ATP6V1C1: variants seen among roughly 807,000 people sequenced by gnomAD.
ATP6V1C1 encodes V-type proton ATPase subunit C 1.
ATP6V1C1 carries 45 observed loss-of-function variants against 53.9 expected under a neutral mutation model. That is an observed-to-expected ratio of 0.83 (90% confidence interval 0.66 to 1.07). The LOEUF (loss-of-function observed/expected upper bound fraction) is 1.07. ATP6V1C1 is among the 50% of genes least tolerant of loss of function. The pLI is 0.00. For missense variants in ATP6V1C1, 315 were observed against 440.3 expected, an observed-to-expected ratio of 0.72 and a Z score of 2.55; for synonymous variants, 153 against 155.2, an observed-to-expected ratio of 0.99 and a Z score of 0.11.
intron 1 of ATP6V1C1, among the ~76,000 whole-genome samples, chr8:103,036,450 G>A (rs1816900985): frequency 1.3e-5 from 2 of 152,168 alleles, no homozygotes; most frequent in Non-Finnish European, 2.9e-5. Context: ...ACTTTGGGAG[G>A]CTAAGGCAGG....
chr8:103,035,203 A>C (rs1816871926), intron 1 of ATP6V1C1, among the ~76,000 whole-genome samples: 1 of 152,124 alleles, frequency 6.6e-6, no homozygotes, highest in South Asian at 2.1e-4. Flanking sequence ...CAACTCTACC[A>C]ATTTTTAATT....
intron 10 of ATP6V1C1, among the ~76,000 whole-genome samples, chr8:103,063,895 A>T (rs1249095899): frequency 6.6e-6 from 1 of 152,234 alleles, no homozygotes; most frequent in Non-Finnish European, 1.5e-5. Context: ...ATTATTTCCA[A>T]GTACTTTATA....
At chr8:103,023,297 T>G (rs1249491809) in intron 1 of ATP6V1C1, among the ~76,000 whole-genome samples, 2 of 145,356 alleles carry the variant, frequency 1.4e-5, no homozygotes, top group African/African-American at 5.0e-5. Context: ...TTTTTTTTTT[T>G]GGTGGGGGGG....
chr8:103,051,735 A>C (rs16870012), intron 5 of ATP6V1C1, among the ~76,000 whole-genome samples: 7,412 of 152,116 alleles, frequency 0.049, 263 homozygotes, highest in Non-Finnish European at 0.067. Context: ...AAATCCTAGA[A>C]CTTGAGAGGA....
chr8:103,036,710 A>T (rs575042523), intron 1 of ATP6V1C1, among the ~76,000 whole-genome samples: 1 of 152,300 alleles, frequency 6.6e-6, no homozygotes, highest in Admixed American at 6.5e-5. Flanking sequence ...AATCCTTTGG[A>T]AGCCTGTTAG....
At chr8:103,044,885 G>T (rs764457315) in intron 3 of ATP6V1C1, among the ~76,000 whole-genome samples, 19 of 151,924 alleles carry the variant, frequency 1.3e-4, no homozygotes, top group Non-Finnish European at 1.3e-4. Context: ...ATTTGAAGAT[G>T]GTTATGCTTT....
chr8:103,024,837 A>G (rs1816666577), intron 1 of ATP6V1C1, among the ~76,000 whole-genome samples: 1 of 152,228 alleles, frequency 6.6e-6, no homozygotes, highest in African/African-American at 2.4e-5. Flanking sequence ...TTTATCCAGC[A>G]GGACATCTAC....
chr8:103,032,180 G>T (rs1816809863), intron 1 of ATP6V1C1, among the ~76,000 whole-genome samples: 1 of 152,150 alleles, frequency 6.6e-6, no homozygotes, highest in African/African-American at 2.4e-5. Context: ...TAAAAATTTT[G>T]TGCAACTCAA....
In ATP6V1C1 at chr8:103,053,977, T is replaced by G. The variant is rs1817245474; in HGVS notation, c.567T>G (p.Val189=). 6.2e-7 allele frequency: 1 copy of G among 1,604,616 alleles called. No homozygotes were observed. The highest frequency in any genetic ancestry group is 8.5e-7 in the Non-Finnish European group (1 of 1,174,372). ...ATCTCGTCACATTACTGGTAGTAGTTCCCAAGTAAGTCTTTCTATTATAAA... is the reference window on the plus strand; with the variant it reads ...ATCTCGTCACATTACTGGTAGTAGTGCCCAAGTAAGTCTTTCTATTATAAA... ...SEYLVTLLVV[V]PKLNHNDWIK... Residue 189 remains valine (V), a synonymous_variant, in exon 7 of 13, where the codon GTT becomes GTG. Coordinates refer to ENST00000518738, the MANE Select transcript of ATP6V1C1 (RefSeq NM_001695.5).
Position 103,051,042 on chromosome 8 carries a change from T to C in ATP6V1C1, c.287-8T>C. 4 of 1,562,316 alleles carry C rather than the reference T, an allele frequency of 2.6e-6. No individual in the cohort carries two copies. The highest frequency in any genetic ancestry group is 3.5e-6 in the Non-Finnish European group (4 of 1,135,764). ...TTCTTCAGTAATTAATTTATTCCCT[T>C]ATTTCAGTGGACTTGGTTACTTATA... On this transcript the variant is annotated splice_region_variant and splice_polypyrimidine_tract_variant and intron_variant, in intron 4 of 12. Coordinates refer to ENST00000518738, the MANE Select transcript of ATP6V1C1 (RefSeq NM_001695.5).
At chr8:103,067,935 A>G (rs1817523852) in intron 12 of ATP6V1C1, among the ~76,000 whole-genome samples, 1 of 152,164 alleles carries the variant, frequency 6.6e-6, no homozygotes, top group Admixed American at 6.5e-5. Flanking sequence ...AGGTATAATT[A>G]TTTGATACAT....
At position 103,072,623 on chromosome 8, in the gene ATP6V1C1, A is replaced by AATTC. The variant is rs1817604286; in HGVS notation, c.*3876_*3877insATTC. On this transcript the variant is annotated 3_prime_UTR_variant, in exon 13 of 13. Transcript: ENST00000518738. ...AATGGTCTTTATTTTTCTAGCATAG[A>AATTC]TAACAATTGATTCTTTAGATTCATA... The AATTC allele has an allele frequency of 6.6e-6, 1 of 152,250 alleles. No homozygotes were observed. The highest frequency in any genetic ancestry group is 1.5e-5 in the Non-Finnish European group (1 of 68,042). 9.4% of individuals were successfully genotyped at this position (152,250 alleles called of 1,614,324 possible). A position where few individuals can be genotyped will look rare whatever the true frequency, so the allele number is the denominator to read the frequency against.
At chr8:103,050,312 C>T (rs1291724830) in intron 4 of ATP6V1C1, among the ~76,000 whole-genome samples, 4 of 152,120 alleles carry the variant, frequency 2.6e-5, no homozygotes, top group Non-Finnish European at 4.4e-5. Context: ...TGGTGGTTGA[C>T]CAAGAGGGGC....
chr8:103,033,388 A>G (rs1816832601), intron 1 of ATP6V1C1, among the ~76,000 whole-genome samples: 1 of 152,264 alleles, frequency 6.6e-6, no homozygotes. Context: ...AAGCTAACCA[A>G]CTATAATCCA....
In ATP6V1C1 at chr8:103,042,296, T is replaced by A. The variant is rs766697928; in HGVS notation, c.133-44T>A. 9 of 1,565,790 alleles carry A rather than the reference T, an allele frequency of 5.7e-6. No individual in the cohort carries two copies. The South Asian group carries it at 1.0e-4, about 18-fold the overall frequency. ...AGATGAATCATCTTGTTTTTTTTTTTTAAAAAAGCATGCCACCTAAATAAC... is the reference window on the plus strand; with the variant it reads ...AGATGAATCATCTTGTTTTTTTTTTATAAAAAAGCATGCCACCTAAATAAC... On this transcript the variant is annotated intron_variant, in intron 2 of 12. Coordinates refer to ENST00000518738, the MANE Select transcript of ATP6V1C1 (RefSeq NM_001695.5).
intron 1 of ATP6V1C1, among the ~76,000 whole-genome samples, chr8:103,029,039 A>G (rs1193432002): frequency 6.6e-6 from 1 of 152,192 alleles, no homozygotes; most frequent in Non-Finnish European, 1.5e-5. Context: ...GGAAAAAAAT[A>G]TACAGAAAGG....
At chr8:103,063,372 A>G in intron 10 of ATP6V1C1, 144 bp downstream of exon 10, 1 of 582,832 alleles carries the variant, frequency 1.7e-6, no homozygotes, top group East Asian at 2.9e-5. Context: ...AATAATCAGA[A>G]TGAATTTCCT....
chr8:103,023,950 CTT>C (rs1349744339), intron 1 of ATP6V1C1, among the ~76,000 whole-genome samples: 3 of 151,790 alleles, frequency 2.0e-5, no homozygotes, highest in Non-Finnish European at 2.9e-5. Context: ...TTTTGATGAA[CTT>C]TTTCTAGTAG....
intron 1 of ATP6V1C1, among the ~76,000 whole-genome samples, chr8:103,026,646 C>T (rs184458324): frequency 3.8e-4 from 58 of 152,204 alleles, no homozygotes; most frequent in African/African-American, 1.4e-3. Flanking sequence ...AACCCTGTCT[C>T]TACTGAAAAT....
Sources: allele counts gnomAD v4.1 joint callset (sites outside exome capture counted in the v4.1 genomes callset), GRCh38; gene constraint gnomAD v4.1.1; transcripts MANE v1.5; gene names NCBI Gene and HGNC (gene_info 2026-07-23, HGNC 2026-07-21).